The following XPO7 variants were observed in gnomAD, a reference collection of about 807,000 sequenced individuals.
The protein encoded by XPO7 is exportin-7.
Under a neutral mutation model 144.3 loss-of-function variants are expected in XPO7, and 21 were observed. The ratio of observed to expected loss-of-function variants is 0.15; its 90% CI spans 0.10 to 0.21. The LOEUF is 0.21. Ranked by LOEUF, XPO7 falls within the 10% of genes least tolerant of loss-of-function variation. XPO7 has a pLI of 1.00. For missense variants in XPO7, 808 were observed against 1,325.8 expected, an observed-to-expected ratio of 0.61 and a Z score of 6.06; for synonymous variants, 580 against 499.6, an observed-to-expected ratio of 1.16 and a Z score of -2.15.
chr8:21,966,363 G>A, intron 1 of XPO7: 1 of 775,934 alleles, frequency 1.3e-6, no homozygotes, highest in South Asian at 1.4e-5. Flanking sequence ...TCGTACAGGT[G>A]ACCATCTTTA....
rs140070666 is a variant in XPO7, at chr8:21,988,237, G to A, written c.1787+380G>A. ...CACTTTCTGTTGCTGATTTCCTCTC[G>A]TTATCCCCTCGAAGGGGAAAGCCCC... is the stretch of plus-strand genomic sequence containing the variant. On this transcript the variant is annotated intron_variant, in intron 15 of 27. Coordinates refer to ENST00000252512, the MANE Select transcript of XPO7 (RefSeq NM_015024.5). The A allele has an allele frequency of 8.2e-5, 16 of 195,934 alleles. No homozygotes were observed. The East Asian group carries it at 1.4e-3, about 17-fold the overall frequency. The allele number at this position is 195,934 out of a possible 1,614,324, so 12.1% of individuals were successfully genotyped here.
chr8:21,988,995 TCC>T lies in XPO7; in HGVS notation c.1788-7_1788-6del, dbSNP rs1563334449. 1 of 1,611,728 alleles carries T rather than the reference TCC, an allele frequency of 6.2e-7. No homozygotes were observed. On this transcript the variant is annotated splice_region_variant and splice_polypyrimidine_tract_variant and intron_variant, in intron 15 of 27. Transcript: ENST00000252512. ...TCTCCTGCTTTTTTTTTTCTTTTTGTCCTCCAGCATCACCAACTTGAAGTACT... is the reference window on the plus strand; with the variant it reads ...TCTCCTGCTTTTTTTTTTCTTTTTGTTCCAGCATCACCAACTTGAAGTACT...
At chr8:21,987,633 C>A in intron 14 of XPO7, 151 bp from the exon 15 acceptor site, 1 of 881,552 alleles carries the variant, frequency 1.1e-6, no homozygotes, top group Non-Finnish European at 1.7e-6. Context: ...TCCAGTAATA[C>A]TTGGAAACTA....
intron 1 of XPO7, among the ~76,000 whole-genome samples, chr8:21,962,234 A>G (rs1314053127): frequency 6.6e-6 from 1 of 152,246 alleles, no homozygotes; most frequent in Non-Finnish European, 1.5e-5. Context: ...GTCTACTGAT[A>G]CATCTATAAA....
At chr8:22,003,507 T>C (rs765183020) in intron 26 of XPO7, among the ~76,000 whole-genome samples, 190 bp downstream of exon 26, 35 of 152,360 alleles carry the variant, frequency 2.3e-4, no homozygotes, top group Admixed American at 2.0e-4. Flanking sequence ...GAAGTCAGCA[T>C]GTGTGGTAGC....
intron 6 of XPO7, 96 bp from the exon 7 acceptor site, chr8:21,976,260 G>T (rs1812218941): frequency 7.4e-7 from 1 of 1,359,524 alleles, no homozygotes; most frequent in Non-Finnish European, 1.0e-6. Flanking sequence ...CTAACATATA[G>T]CCCTCCTTTT....
Position 22,003,262 on chromosome 8 carries a change from G to A in XPO7, c.2987G>A (p.Arg996Lys). ...AACATCATCATCTTTGAAGACTGTA[G>A]GAACCAGTGGTCTATGTCCCGACCA... The part of the protein sequence containing the change: ...VLNIIIFEDC[R>K]NQWSMSRPLL... The change falls in exon 26 of 28, where the codon AGG (arginine) becomes AAG (lysine). Residue 996 changes from arginine to lysine, a missense_variant. Transcript: ENST00000252512. 1 of 1,613,288 alleles carries A rather than the reference G, an allele frequency of 6.2e-7. No individual in the cohort carries two copies. Among genetic ancestry groups the A allele is most frequent in the Non-Finnish European group, 8.5e-7 (1 of 1,179,652 alleles).
intron 11 of XPO7, among the ~76,000 whole-genome samples, 167 bp from the exon 12 acceptor site, chr8:21,984,479 T>A (rs980162477): frequency 7.2e-5 from 11 of 152,214 alleles, no homozygotes; most frequent in African/African-American, 2.7e-4. Context: ...GCGAAGACAT[T>A]GGCCTTCTGC....
At chr8:21,986,169 G>T (rs893521328) in intron 13 of XPO7, among the ~76,000 whole-genome samples, 1 of 135,672 alleles carries the variant, frequency 7.4e-6, no homozygotes, top group Non-Finnish European at 1.5e-5. Context: ...ATGGAGTCTC[G>T]CTCTGTCACC....
chr8:21,995,570 C>A lies in XPO7; in HGVS notation c.2316C>A (p.Leu772=). 1.2e-6 allele frequency: 2 copies of A among 1,606,982 alleles called. No homozygotes were observed. Among genetic ancestry groups the A allele is most frequent in the South Asian group, 2.2e-5 (2 of 89,364 alleles). The change falls in exon 21 of 28, where the codon CTC becomes CTA. Residue 772 remains leucine (L), a synonymous_variant. Coordinates refer to ENST00000252512, the MANE Select transcript of XPO7 (RefSeq NM_015024.5). The part of the protein sequence containing the change: ...YHDPACTTPV[L]KLMAELVHNR... ...ATCCAGCCTGTACTACACCTGTACTCAAGTTGATGGCTGAATTGGTTCATA... is the reference window on the plus strand; with the variant it reads ...ATCCAGCCTGTACTACACCTGTACTAAAGTTGATGGCTGAATTGGTTCATA...
At chr8:21,994,585 T>C in intron 20 of XPO7, 134 bp downstream of exon 20, 3 of 759,930 alleles carry the variant, frequency 3.9e-6, no homozygotes, top group Non-Finnish European at 6.4e-6. Context: ...CCAGAAGGCC[T>C]GCATGTGTCC....
rs560455650 is a variant in XPO7 at position 21,958,574 on chromosome 8, C to T, written c.19-8283C>T. Reference sequence around the variant, plus strand: ...GGGCCATGTTAAGCAGTGAAATTACCGACAAAAAGCACAAAACTGCAAGAA... The same window carrying T: ...GGGCCATGTTAAGCAGTGAAATTACTGACAAAAAGCACAAAACTGCAAGAA... On this transcript the variant is annotated intron_variant, in intron 1 of 27. Transcript: ENST00000252512. 5.3e-4 allele frequency among the ~76,000 whole-genome samples: 80 copies of T among 150,768 alleles called. 2 individuals carry two copies. In the South Asian group the frequency reaches 0.017, roughly 31 times the overall value.
In XPO7 at chr8:21,967,117, C is replaced by T. The variant is rs1285630458; in HGVS notation, c.165+114C>T. 2.2e-6 allele frequency: 3 copies of T among 1,381,738 alleles called. No individual in the cohort carries two copies. The African/African-American group carries it at 4.4e-5, about 20-fold the overall frequency. The allele number at this position is 1,381,738 out of a possible 1,614,324, so 85.6% of individuals were successfully genotyped here. ...CTGTTCCCTGATTTTTCTAGGTGTC[C>T]CTGACTTATTTTCACTTTTAAGAAG... On this transcript the variant is annotated intron_variant, in intron 2 of 27. Transcript: ENST00000252512.
chr8:21,942,164 G>A (rs1036291643), intron 1 of XPO7, among the ~76,000 whole-genome samples: 1 of 152,130 alleles, frequency 6.6e-6, no homozygotes, highest in Non-Finnish European at 1.5e-5. Context: ...TAGATCTTTT[G>A]TAAGTCCTAC....
In XPO7 at chr8:21,974,675, C is replaced by G. The variant is rs1812171464; in HGVS notation, c.498C>G (p.Asp166Glu). 1 of 1,583,474 alleles carries G rather than the reference C, an allele frequency of 6.3e-7. No homozygotes were observed. The highest frequency in any genetic ancestry group is 2.3e-5 in the East Asian group (1 of 44,214). The change falls in exon 6 of 28, where the codon GAC becomes GAG. Residue 166 changes from aspartate (D) to glutamate (E), a missense_variant. Around this residue, in one of 5 missense-constraint regions of XPO7, gnomAD observed 223 missense variants for 368.8 expected, o/e 0.60. Transcript: ENST00000252512. ...TTTCTTCTTTTTCTGCACAGGCAGA[C>G]ACCACCCATCCTTTAACCAAGCACA... is the stretch of plus-strand genomic sequence containing the variant. ...SQLTNEINQA[D>E]TTHPLTKHRK... is the part of the protein sequence containing the mutation.
intron 25 of XPO7, chr8:22,002,950 C>G (rs1331757285): frequency 7.4e-6 from 2 of 270,276 alleles, no homozygotes; most frequent in Non-Finnish European, 1.4e-5. Flanking sequence ...TGACCCCATC[C>G]CATTCCCCAC....
At chr8:21,990,586 G>A in intron 17 of XPO7, 179 bp downstream of exon 17, 1 of 771,652 alleles carries the variant, frequency 1.3e-6, no homozygotes, top group Non-Finnish European at 2.1e-6. Flanking sequence ...TTGAGATCCA[G>A]ATGATGTGAG....
intron 1 of XPO7, among the ~76,000 whole-genome samples, chr8:21,939,629 T>C (rs1810927782): frequency 6.6e-6 from 1 of 152,230 alleles, no homozygotes; most frequent in Non-Finnish European, 1.5e-5. Flanking sequence ...ACTTGTAATA[T>C]GAGCTGTCTC....
At chr8:21,969,308 C>A (rs548402508) in intron 2 of XPO7, among the ~76,000 whole-genome samples, 175 bp from the exon 3 acceptor site, 1 of 140,608 alleles carries the variant, frequency 7.1e-6, no homozygotes, top group East Asian at 1.9e-4. Context: ...AGCTAATAAA[C>A]TTATGCTATG....
Sources: gnomAD v4.1 joint callset for allele counts (sites outside exome capture counted in the v4.1 genomes callset) on GRCh38, gnomAD v4.1.1 for gene constraint, gnomAD v4.1.1 regional missense constraint, MANE v1.5 for transcripts, NCBI Gene and HGNC (gene_info 2026-07-23, HGNC 2026-07-21) for gene names.